CELF5: variants seen among roughly 807,000 people sequenced by gnomAD.
CELF5 encodes the protein CUGBP Elav-like family member 5, also known as CUG-BP and ETR-3 like factor 5.
Under a neutral mutation model 54.9 loss-of-function variants are expected in CELF5, and 6 were observed. The ratio of observed to expected loss-of-function variants is 0.11; its 90% confidence interval spans 0.06 to 0.22. CELF5 has a LOEUF of 0.22. CELF5 is among the 10% of genes least tolerant of loss of function. CELF5 has a pLI of 1.00. For missense variants in CELF5, 401 were observed against 678.6 expected, an observed-to-expected ratio of 0.59 and a Z score of 4.54; for synonymous variants, 271 against 290.9, an observed-to-expected ratio of 0.93 and a Z score of 0.70.
chr19:3,235,646 G>GTGGATGGA (rs1273273181), intron 1 of CELF5, among the ~76,000 whole-genome samples: 5,896 of 44,514 alleles, frequency 0.13, 219 homozygotes, highest in Middle Eastern at 0.31. Flanking sequence ...GGGTGGATGA[G>GTGGATGGA]TGGATGGATG....
chr19:3,279,647 C>T (rs997170675), intron 5 of CELF5, among the ~76,000 whole-genome samples: 2 of 151,488 alleles, frequency 1.3e-5, no homozygotes, highest in Admixed American at 6.6e-5. Flanking sequence ...GCCCCAGAGT[C>T]GGGGTGTGGG....
chr19:3,279,874 T>C (rs1047816373), intron 5 of CELF5, among the ~76,000 whole-genome samples: 7 of 152,180 alleles, frequency 4.6e-5, no homozygotes, highest in Non-Finnish European at 1.0e-4. Context: ...GGCTAAATTT[T>C]GTATTTGTAG....
intron 2 of CELF5, among the ~76,000 whole-genome samples, chr19:3,264,858 C>T (rs957510800): frequency 1.2e-4 from 18 of 152,048 alleles, no homozygotes; most frequent in African/African-American, 3.9e-4. Context: ...GGATTATAGG[C>T]GTCTGCCACC....
rs1317671827 is a variant in CELF5 at position 3,275,959 on chromosome 19, C to T, written c.498C>T (p.Leu166=). Residue 166 remains leucine (L), a synonymous_variant, in exon 4 of 13, where the codon CTC becomes CTT. Transcript: ENST00000292672. This position sits in a 1 kb window ranked among gnomAD's most constrained non-coding sequence, Gnocchi z 6.7. ...GGGTCATTGACGAGTGCACCGTGCTCCGGGGGCCTGACGGCAGCAGCAAAG... is the reference window on the plus strand; with the variant it reads ...GGGTCATTGACGAGTGCACCGTGCTTCGGGGGCCTGACGGCAGCAGCAAAG... ...PFGVIDECTV[L]RGPDGSSKGC... 2 of 1,571,088 alleles carry T rather than the reference C, an allele frequency of 1.3e-6. No individual in the cohort carries two copies. The highest frequency in any genetic ancestry group is 2.4e-5 in the East Asian group (1 of 41,896).
At chr19:3,255,486 C>T (rs1041219103) in intron 2 of CELF5, among the ~76,000 whole-genome samples, 1 of 152,134 alleles carries the variant, frequency 6.6e-6, no homozygotes, top group Non-Finnish European at 1.5e-5. Flanking sequence ...GCCTACTGCC[C>T]CCGACTGCTT....
intron 8 of CELF5, among the ~76,000 whole-genome samples, chr19:3,283,696 C>A (rs1008669877): frequency 6.6e-6 from 1 of 152,130 alleles, no homozygotes; most frequent in Non-Finnish European, 1.5e-5. Context: ...TACCACAGAG[C>A]AGTCCCAGGT....
rs1027306844 is a variant in CELF5, at chr19:3,262,020, T to A, written c.342+10953T>A. ...ACGAGTGTACTCAGAAACTGATTTT[T>A]AAAATTCATTTATTTTATTATTTTA... is the stretch of plus-strand genomic sequence containing the variant. On this transcript the variant is annotated intron_variant, in intron 2 of 12. Coordinates refer to ENST00000292672, the MANE Select transcript of CELF5 (RefSeq NM_021938.4). Among the ~76,000 whole-genome samples the A allele has an allele frequency of 3.0e-4, 45 of 152,206 alleles. 1 individual carries two copies. The highest frequency in any genetic ancestry group is 4.6e-4 in the Admixed American group (7 of 15,270).
Position 3,278,745 on chromosome 19 carries a change from T to G in CELF5, c.603+635T>G. 6.6e-6 allele frequency among the ~76,000 whole-genome samples: 1 copy of G among 151,764 alleles called. No homozygotes were observed. Among genetic ancestry groups the G allele is most frequent in the East Asian group, 1.9e-4 (1 of 5,158 alleles). ...TGAGTGTGTCAGTATTGTGGGTGAT[T>G]GTGTACACGTTTGTGAGTATATGCA... On this transcript the variant is annotated intron_variant, in intron 5 of 12. Coordinates refer to ENST00000292672, the MANE Select transcript of CELF5 (RefSeq NM_021938.4). This position sits in a 1 kb window ranked among gnomAD's most constrained non-coding sequence, Gnocchi z 4.5.
At chr19:3,267,643 C>G (rs960266375) in intron 2 of CELF5, among the ~76,000 whole-genome samples, 1 of 152,194 alleles carries the variant, frequency 6.6e-6, no homozygotes, top group Non-Finnish European at 1.5e-5. Context: ...TCTTTCTTTA[C>G]AAGAGTCTTG....
intron 12 of CELF5, chr19:3,296,336 GAAAAA>G (rs4061930): frequency 9.5e-5 from 7 of 73,844 alleles, no homozygotes; most frequent in African/African-American, 2.4e-4. Flanking sequence ...TAAAAAGAAA[GAAAAA>G]AAAAAAAAAA....
chr19:3,239,864 T>C (rs1358879600), intron 1 of CELF5, among the ~76,000 whole-genome samples: 1 of 152,076 alleles, frequency 6.6e-6, no homozygotes, highest in Non-Finnish European at 1.5e-5. Flanking sequence ...GGAGGCTCTT[T>C]CCCGCACACA....
At chr19:3,262,984 G>C (rs1008479755) in intron 2 of CELF5, among the ~76,000 whole-genome samples, 2 of 150,884 alleles carry the variant, frequency 1.3e-5, no homozygotes, top group Non-Finnish European at 3.0e-5. Context: ...TGTGGCTCAC[G>C]CCTGTGGTCC....
rs2080093463 is a variant in CELF5, at chr19:3,278,480, G to A, written c.603+370G>A. Among the ~76,000 whole-genome samples the A allele has an allele frequency of 6.6e-6, 1 of 152,044 alleles. No individual in the cohort carries two copies. Among genetic ancestry groups the A allele is most frequent in the Admixed American group, 6.6e-5 (1 of 15,246 alleles). ...TTACTAGTAGGCGAGTGTTATGTGAGTGCTGTGTGCACGAGGGGTGTGCGT... is the reference window on the plus strand; with the variant it reads ...TTACTAGTAGGCGAGTGTTATGTGAATGCTGTGTGCACGAGGGGTGTGCGT... On this transcript the variant is annotated intron_variant, in intron 5 of 12. Coordinates refer to ENST00000292672, the MANE Select transcript of CELF5 (RefSeq NM_021938.4). The surrounding 1 kb of genome is among the most constrained non-coding windows in gnomAD (Gnocchi z 4.5).
intron 12 of CELF5, chr19:3,296,167 G>T (rs2145346301): frequency 7.8e-6 from 1 of 127,652 alleles, no homozygotes; most frequent in Non-Finnish European, 1.8e-5. Flanking sequence ...AGTTGGGAGT[G>T]GGGTGGGGTG....
rs769853596 is a variant in CELF5 at position 3,278,026 on chromosome 19, A to G, written c.524-5A>G. 2.5e-6 allele frequency: 4 copies of G among 1,613,206 alleles called. No homozygotes were observed. The Admixed American group carries it at 6.7e-5, about 27-fold the overall frequency. On this transcript the variant is annotated splice_region_variant and splice_polypyrimidine_tract_variant and intron_variant, in intron 4 of 12. Transcript: ENST00000292672. This position sits in a 1 kb window ranked among gnomAD's most constrained non-coding sequence, Gnocchi z 4.5. ...CCTCTACCTCTTCTTCTTCTCTTGG[A>G]GCAGGCTGTGCTTTCGTGAAGTTCT...
chr19:3,294,741 A>C (rs1249557677), intron 12 of CELF5: 1 of 152,206 alleles, frequency 6.6e-6, no homozygotes, highest in Non-Finnish European at 1.5e-5. Flanking sequence ...GACAGGGGAG[A>C]AACCCCCTTC....
At chr19:3,256,381 C>A (rs962829250) in intron 2 of CELF5, among the ~76,000 whole-genome samples, 1 of 152,070 alleles carries the variant, frequency 6.6e-6, no homozygotes, top group Non-Finnish European at 1.5e-5. Flanking sequence ...GCTGAGTCCT[C>A]CAAACCCCTT....
intron 1 of CELF5, among the ~76,000 whole-genome samples, chr19:3,243,029 CA>C (rs748279422): frequency 4.6e-5 from 7 of 152,202 alleles, no homozygotes; most frequent in Non-Finnish European, 8.8e-5. Context: ...TGACCTTGGG[CA>C]AGCCACTTCC....
chr19:3,249,950 T>C (rs2079625028), intron 1 of CELF5, among the ~76,000 whole-genome samples: 1 of 151,978 alleles, frequency 6.6e-6, no homozygotes, highest in Non-Finnish European at 1.5e-5. Context: ...TGTCCAGGGC[T>C]CTCAGCATCT....
Sources: gnomAD v4.1 joint callset for allele counts (sites outside exome capture counted in the v4.1 genomes callset) on GRCh38, gnomAD v4.1.1 for gene constraint, Gnocchi (gnomAD v3.1) non-coding constraint, MANE v1.5 for transcripts, NCBI Gene and HGNC (gene_info 2026-07-23, HGNC 2026-07-21) for gene names.